SLIT1: variants seen among roughly 807,000 people sequenced by gnomAD.
The protein encoded by SLIT1 is slit guidance ligand 1.
A neutral mutation model predicts 186.1 loss-of-function variants in SLIT1; 66 were observed. That is an observed-to-expected ratio of 0.35 (90% CI 0.29 to 0.44). SLIT1 has a LOEUF of 0.44. Ranked by LOEUF, SLIT1 falls within the 20% of genes least tolerant of loss-of-function variation. The pLI is 1.00. For synonymous variants in SLIT1, 761 were observed against 833.8 expected, an observed-to-expected ratio of 0.91 and a Z score of 1.50; for missense variants, 1,638 against 2,037.4, an observed-to-expected ratio of 0.80 and a Z score of 3.77.
intron 4 of SLIT1, among the ~76,000 whole-genome samples, chr10:97,111,199 A>G (rs1197788004): frequency 1.3e-5 from 2 of 152,118 alleles, no homozygotes; most frequent in African/African-American, 4.8e-5. Context: ...CAAAAAAAAA[A>G]AGAAGAAAAG....
At chr10:97,046,219 CTG>C (rs1491171795) in intron 18 of SLIT1, among the ~76,000 whole-genome samples, 1 of 152,180 alleles carries the variant, frequency 6.6e-6, no homozygotes, top group Non-Finnish European at 1.5e-5. Flanking sequence ...TCAGGCTGGG[CTG>C]TGGGTTATGG....
In SLIT1 at chr10:97,046,885, C is replaced by T. The variant is rs566217594; in HGVS notation, c.1710-88G>A. The T allele has an allele frequency of 6.7e-5, 105 of 1,578,360 alleles. No homozygotes were observed. In the African/African-American group the frequency reaches 1.3e-3, roughly 20 times the overall value. ...TTCCTGCAGGCAACACCCCCACACA[C>T]AGAGTCCTGGCCCCCCGCCGTGGGA... is the stretch of plus-strand genomic sequence containing the variant. On this transcript the variant is annotated intron_variant, in intron 17 of 36. Coordinates refer to ENST00000266058, the MANE Select transcript of SLIT1 (RefSeq NM_003061.3).
intron 25 of SLIT1, among the ~76,000 whole-genome samples, chr10:97,024,694 C>A (rs545064628): frequency 3.3e-5 from 5 of 152,252 alleles, no homozygotes; most frequent in African/African-American, 1.2e-4. Context: ...AGTGTGATGT[C>A]ACATAAGTAT....
chr10:97,133,476 A>G (rs539062621), intron 4 of SLIT1, among the ~76,000 whole-genome samples: 97 of 152,342 alleles, frequency 6.4e-4, no homozygotes, highest in South Asian at 4.3e-3. Context: ...ATAGAGACAG[A>G]AAGTAGAATG....
chr10:97,120,262 T>C (rs1849549117), intron 4 of SLIT1, among the ~76,000 whole-genome samples: 1 of 152,030 alleles, frequency 6.6e-6, no homozygotes, highest in African/African-American at 2.4e-5. Context: ...ACTGCTGAGC[T>C]CATCCCCAGC....
At chr10:97,074,342 G>C (rs996643969) in intron 4 of SLIT1, among the ~76,000 whole-genome samples, 1 of 152,216 alleles carries the variant, frequency 6.6e-6, no homozygotes, top group Non-Finnish European at 1.5e-5. Flanking sequence ...ACTGGCCAAG[G>C]GAGAGGCAGG....
intron 11 of SLIT1, among the ~76,000 whole-genome samples, chr10:97,058,321 C>G (rs946458484): frequency 9.2e-5 from 14 of 152,174 alleles, no homozygotes; most frequent in African/African-American, 3.1e-4. Flanking sequence ...ATCCACGTTC[C>G]TATATGCAGG....
At chr10:97,030,190 G>A (rs537395711) in intron 25 of SLIT1, among the ~76,000 whole-genome samples, 51 of 152,292 alleles carry the variant, frequency 3.3e-4, no homozygotes, top group African/African-American at 1.1e-3. Context: ...GAGGAATCAA[G>A]CCCACTGCTT....
intron 16 of SLIT1, 21 bp downstream of exon 16, chr10:97,047,669 G>T (rs755859622): frequency 2.5e-6 from 4 of 1,599,808 alleles, no homozygotes; most frequent in South Asian, 2.2e-5. Flanking sequence ...GGGGAGGGCT[G>T]GGGGGGCCAG....
At chr10:97,074,487 C>G (rs1243725585) in intron 4 of SLIT1, among the ~76,000 whole-genome samples, 1 of 152,186 alleles carries the variant, frequency 6.6e-6, no homozygotes, top group Non-Finnish European at 1.5e-5. Context: ...GGAAGGCAGG[C>G]ACGAGCAAGC....
At position 97,011,133 on chromosome 10, in the gene SLIT1, A is replaced by G. The variant is rs775027136; in HGVS notation, c.3204-3T>C. 1 of 1,609,872 alleles carries G rather than the reference A, an allele frequency of 6.2e-7. No individual in the cohort carries two copies. The highest frequency in any genetic ancestry group is 1.1e-5 in the South Asian group (1 of 90,972). ...CATAACCTGGCATGCACTCACACCT[A>G]GTGGGTGGGGGGCAGGGGTAGTTGG... On this transcript the variant is annotated splice_polypyrimidine_tract_variant and splice_region_variant and intron_variant, in intron 30 of 36. Coordinates refer to ENST00000266058, the MANE Select transcript of SLIT1 (RefSeq NM_003061.3).
At chr10:97,079,082 GC>G (rs1293719763) in intron 4 of SLIT1, among the ~76,000 whole-genome samples, 4 of 152,220 alleles carry the variant, frequency 2.6e-5, no homozygotes, top group African/African-American at 9.7e-5. Flanking sequence ...ACCATTTACT[GC>G]CTGTGTGACC....
At position 97,002,217 on chromosome 10, in the gene SLIT1, C is replaced by T; in HGVS notation, c.4307G>A (p.Gly1436Asp). The change falls in exon 36 of 37, where the codon GGC (glycine) becomes GAC (aspartate). Residue 1436 changes from glycine to aspartate, a missense_variant. Coordinates refer to ENST00000266058, the MANE Select transcript of SLIT1 (RefSeq NM_003061.3). ...ACACACACAGTGTGCCCCCTTGGTG[C>T]CTGAGGCCTGGCAGTGGCCATGCAG... The part of the protein sequence containing the change: ...QCLHGHCQAS[G>D]TKGAHCVCDP... 1 of 1,584,508 alleles carries T rather than the reference C, an allele frequency of 6.3e-7. No individual in the cohort carries two copies.
At chr10:97,050,381 T>C (rs1207821331) in intron 13 of SLIT1, among the ~76,000 whole-genome samples, 1 of 152,196 alleles carries the variant, frequency 6.6e-6, no homozygotes, top group Non-Finnish European at 1.5e-5. Flanking sequence ...CTCTCTGCCG[T>C]CCATCACCTC....
rs1409102899 is a variant in SLIT1 at position 97,014,107 on chromosome 10, A to T, written c.3021T>A (p.Asp1007Glu). 2 of 1,613,844 alleles carry T rather than the reference A, an allele frequency of 1.2e-6. No homozygotes were observed. The highest frequency in any genetic ancestry group is 2.2e-5 in the South Asian group (2 of 91,076). ...TGGCACAGGCATGATCCACACAGTC[A>T]TCTGTGTTCACCCCACAGGTTGGTC... is the stretch of plus-strand genomic sequence containing the variant. ...FEGPTCGVNT[D>E]DCVDHACANG... The change falls in exon 29 of 37, where the codon GAT becomes GAA. Residue 1007 changes from aspartate (D) to glutamate (E), a missense_variant. Physicochemically the swap from Asp to Glu is conservative, Grantham distance 45 (BLOSUM62 2). Coordinates refer to ENST00000266058, the MANE Select transcript of SLIT1 (RefSeq NM_003061.3).
At chr10:97,115,034 G>C (rs1849496718) in intron 4 of SLIT1, among the ~76,000 whole-genome samples, 1 of 152,182 alleles carries the variant, frequency 6.6e-6, no homozygotes, top group South Asian at 2.1e-4. Flanking sequence ...ATCAGTGCCT[G>C]GTGTCAGAGT....
intron 4 of SLIT1, among the ~76,000 whole-genome samples, chr10:97,104,843 C>T (rs1159771515): frequency 1.3e-5 from 2 of 152,310 alleles, no homozygotes; most frequent in Admixed American, 1.3e-4. Context: ...GGATGTCATG[C>T]CTCCCACGGA....
At position 96,998,152 on chromosome 10, in the gene SLIT1, T is replaced by C. The variant is rs934187035; in HGVS notation, c.*2960A>G. The C allele has an allele frequency of 1.3e-5, 2 of 152,198 alleles. No homozygotes were observed. Among genetic ancestry groups the C allele is most frequent in the Admixed American group, 1.3e-4 (2 of 15,280 alleles). The allele number at this position is 152,198 out of a possible 1,614,324, so 9.4% of individuals were successfully genotyped here. On this transcript the variant is annotated 3_prime_UTR_variant, in exon 37 of 37. Coordinates refer to ENST00000266058, the MANE Select transcript of SLIT1 (RefSeq NM_003061.3). ...CTCATGGGCCTGTTCTAAACCAGCCTCTAGGAGTTGATCCAAACAAGACGA... is the reference window on the plus strand; with the variant it reads ...CTCATGGGCCTGTTCTAAACCAGCCCCTAGGAGTTGATCCAAACAAGACGA...
At chr10:97,061,272 C>A (rs765416024) in intron 8 of SLIT1, among the ~76,000 whole-genome samples, 1 of 152,138 alleles carries the variant, frequency 6.6e-6, no homozygotes, top group Non-Finnish European at 1.5e-5. Flanking sequence ...ACAGAGTCCT[C>A]GATATTAATT....
Sources: gnomAD v4.1 joint callset for allele counts (sites outside exome capture counted in the v4.1 genomes callset) on GRCh38, gnomAD v4.1.1 for gene constraint, MANE v1.5 for transcripts, NCBI Gene and HGNC (gene_info 2026-07-23, HGNC 2026-07-21) for gene names.